PCDHGA1: variants seen among roughly 807,000 people sequenced by gnomAD.
PCDHGA1 encodes the protein protocadherin gamma-A1.
In PCDHGA1, 32 loss-of-function variants were observed where a neutral mutation model predicts 58.0. That is an observed-to-expected ratio of 0.55 (90% CI 0.42 to 0.74). The LOEUF is 0.74. Among genes scored for constraint, PCDHGA1 ranks in the 30% least tolerant of loss-of-function variants. The probability of loss-of-function intolerance (pLI) is 0.00; values close to 1 mark genes in which losing one functional copy is unlikely to be tolerated. For synonymous variants in PCDHGA1, 498 were observed against 501.1 expected (o/e 0.99, Z 0.08); for missense variants, 1,205 against 1,182.3 (o/e 1.02, Z -0.28).
At chr5:141,393,769 T>C in intron 1 of PCDHGA1, 2 of 1,613,912 alleles carry the variant, frequency 1.2e-6, no homozygotes, top group Non-Finnish European at 1.7e-6. Flanking sequence ...GAAATGGAAA[T>C]ACAAGCCGAA....
chr5:141,472,188 G>C (rs779077950), intron 1 of PCDHGA1, among the ~76,000 whole-genome samples: 4 of 152,168 alleles, frequency 2.6e-5, no homozygotes, highest in Middle Eastern at 3.2e-3. Context: ...ATTGGAATTT[G>C]AATCTTTTTG....
In PCDHGA1 at chr5:141,477,967, C is replaced by T. The variant is rs756216038; in HGVS notation, c.2422-16840C>T. Reference sequence around the variant, plus strand: ...GTCTCTTGGGATCCCCTAACCAGAGCCTTTTTGCCATAGGGCTGCACACTG... The same window carrying T: ...GTCTCTTGGGATCCCCTAACCAGAGTCTTTTTGCCATAGGGCTGCACACTG... On this transcript the variant is annotated intron_variant, in intron 1 of 3. Coordinates refer to ENST00000517417, the MANE Select transcript of PCDHGA1 (RefSeq NM_018912.3). This position sits in a 1 kb window ranked among gnomAD's most constrained non-coding sequence, Gnocchi z 4.9. The T allele has an allele frequency of 8.7e-6, 14 of 1,614,032 alleles. No individual in the cohort carries two copies. In the South Asian group the frequency reaches 1.2e-4, roughly 14 times the overall value.
chr5:141,431,189 G>A lies in PCDHGA1; in HGVS notation c.2422-63618G>A. 2 of 1,614,208 alleles carry A rather than the reference G, an allele frequency of 1.2e-6. No homozygotes were observed. The highest frequency in any genetic ancestry group is 1.7e-6 in the Non-Finnish European group (2 of 1,180,036). On this transcript the variant is annotated intron_variant, in intron 1 of 3. Transcript: ENST00000517417. This position sits in a 1 kb window ranked among gnomAD's most constrained non-coding sequence, Gnocchi z 4.8. ...AAGTGAATTAGAAATAAAAATTAGT[G>A]AAAATGCAGCCACTGAGATGCGGTT...
intron 1 of PCDHGA1, chr5:141,372,531 C>G (rs767186429): frequency 6.2e-7 from 1 of 1,614,032 alleles, no homozygotes; most frequent in Admixed American, 1.7e-5. Context: ...GGCAATCTCC[C>G]TGCGCCTGCG....
chr5:141,477,087 C>T lies in PCDHGA1; in HGVS notation c.2422-17720C>T, dbSNP rs748424193. ...AAACTCCATGAGATTTACATCCAGG[C>T]CAAAGACAAGGGCGCCAATCCCGAA... On this transcript the variant is annotated intron_variant, in intron 1 of 3. Coordinates refer to ENST00000517417, the MANE Select transcript of PCDHGA1 (RefSeq NM_018912.3). The surrounding 1 kb of genome is among the most constrained non-coding windows in gnomAD (Gnocchi z 4.9). The T allele has an allele frequency of 1.2e-6, 2 of 1,614,244 alleles. No individual in the cohort carries two copies. Among genetic ancestry groups the T allele is most frequent in the Admixed American group, 3.3e-5 (2 of 60,032 alleles).
At position 141,388,141 on chromosome 5, in the gene PCDHGA1, T is replaced by C. The variant is rs1239201119; in HGVS notation, c.2421+55036T>C. On this transcript the variant is annotated intron_variant, in intron 1 of 3. Transcript: ENST00000517417. ...AGCGCAGAGAGCGGGGAGTTGCTTG[T>C]GAGCAGCAGGCTAGACAGGGAGGAG... 6.9e-7 allele frequency: 1 copy of C among 1,456,446 alleles called. No individual in the cohort carries two copies. The highest frequency in any genetic ancestry group is 2.3e-4 in the Middle Eastern group (1 of 4,348). The allele number at this position is 1,456,446 out of a possible 1,614,324, so 90.2% of individuals were successfully genotyped here. A position where few individuals can be genotyped will look rare whatever the true frequency, so the allele number is the denominator to read the frequency against.
chr5:141,397,988 C>A, intron 1 of PCDHGA1: 2 of 1,327,490 alleles, frequency 1.5e-6, no homozygotes, highest in Non-Finnish European at 1.0e-6. Flanking sequence ...CTTTACACCG[C>A]TTCCTCCTCG....
chr5:141,481,455 C>T (rs2099537897), intron 1 of PCDHGA1, among the ~76,000 whole-genome samples: 1 of 152,176 alleles, frequency 6.6e-6, no homozygotes, highest in African/African-American at 2.4e-5. Flanking sequence ...TGTAAATACA[C>T]TGAAAACCAT....
At chr5:141,459,806 A>G (rs2154566682) in intron 1 of PCDHGA1, among the ~76,000 whole-genome samples, 1 of 152,342 alleles carries the variant, frequency 6.6e-6, no homozygotes, top group African/African-American at 2.4e-5. Flanking sequence ...CCTGTTGACT[A>G]GAGACACTGA....
At chr5:141,357,516 A>G (rs1321097755) in intron 1 of PCDHGA1, 3 of 1,614,010 alleles carry the variant, frequency 1.9e-6, no homozygotes, top group African/African-American at 1.3e-5. Context: ...TCTTCTCCCA[A>G]CCCAGCTATG....
chr5:141,425,934 G>A lies in PCDHGA1; in HGVS notation c.2422-68873G>A, dbSNP rs1237431530. Among the ~76,000 whole-genome samples, 4 of 152,352 alleles carry A rather than the reference G, an allele frequency of 2.6e-5. 1 individual carries two copies. Among genetic ancestry groups the A allele is most frequent in the East Asian group, 1.9e-4 (1 of 5,188 alleles). On this transcript the variant is annotated intron_variant, in intron 1 of 3. Coordinates refer to ENST00000517417, the MANE Select transcript of PCDHGA1 (RefSeq NM_018912.3). ...CAGTCACTACGAAAACTCATAAAAT[G>A]TCTAGTTTCCTATACATTAGTCCAA...
intron 1 of PCDHGA1, chr5:141,414,817 A>C: frequency 6.2e-7 from 1 of 1,614,214 alleles, no homozygotes; most frequent in Non-Finnish European, 8.5e-7. Context: ...TCCACTCAGC[A>C]GCAACGTGTC....
At chr5:141,388,811 A>C (rs375009380) in intron 1 of PCDHGA1, 21 of 1,613,866 alleles carry the variant, frequency 1.3e-5, no homozygotes, top group Non-Finnish European at 1.6e-5. Context: ...ATTTTGAAGA[A>C]GTCAAAGAAT....
Position 141,331,939 on chromosome 5 carries a change from A to T in PCDHGA1, c.1255A>T (p.Asn419Tyr), listed in dbSNP as rs759428451. 42 of 1,614,190 alleles carry T rather than the reference A, an allele frequency of 2.6e-5. No individual in the cohort carries two copies. The highest frequency in any genetic ancestry group is 3.6e-5 in the Non-Finnish European group (42 of 1,180,032). Residue 419 changes from asparagine to tyrosine, a missense_variant, in exon 1 of 4, where the codon AAC becomes TAC. By Grantham distance (143) the Asn-to-Tyr change is moderately radical. Transcript: ENST00000517417. ...GGACAGAGAACTTATCTCTGGGTAC[A>T]ACATCACAATAACAGCAATAGACCA... ...TLDRELISGY[N>Y]ITITAIDQGT...
intron 2 of PCDHGA1, among the ~76,000 whole-genome samples, chr5:141,498,404 C>T (rs1283586713): frequency 6.6e-6 from 1 of 152,104 alleles, no homozygotes; most frequent in African/African-American, 2.4e-5. Context: ...AGGGAGTTTT[C>T]TCTTTGCTGG....
chr5:141,471,964 T>C lies in PCDHGA1; in HGVS notation c.2422-22843T>C, dbSNP rs138170906. Among the ~76,000 whole-genome samples, 591 of 152,278 alleles carry C rather than the reference T, an allele frequency of 3.9e-3. 6 individuals are homozygous for C. Among genetic ancestry groups the C allele is most frequent in the Admixed American group, 0.011 (171 of 15,292 alleles). On this transcript the variant is annotated intron_variant, in intron 1 of 3. Transcript: ENST00000517417. ...TCTAAAACTGGATTGTGGGGTTGGT[T>C]GCATTACTGTATAAATTTATTAAAA...
intron 1 of PCDHGA1, chr5:141,428,329 A>G (rs928788851): frequency 4.8e-6 from 3 of 627,180 alleles, no homozygotes; most frequent in South Asian, 3.5e-5. Context: ...CTTGATTTCT[A>G]TGCTCTTCTT....
chr5:141,394,701 C>T lies in PCDHGA1; in HGVS notation c.2421+61596C>T, dbSNP rs375281416. Reference sequence around the variant, plus strand: ...GCACACGGGCGAGGTGCGCACGGCGCGAGCCCTGCTGGACAGAGATGCGCT... The same window carrying T: ...GCACACGGGCGAGGTGCGCACGGCGTGAGCCCTGCTGGACAGAGATGCGCT... On this transcript the variant is annotated intron_variant, in intron 1 of 3. Coordinates refer to ENST00000517417, the MANE Select transcript of PCDHGA1 (RefSeq NM_018912.3). The T allele has an allele frequency of 1.0e-4, 163 of 1,613,044 alleles. 1 individual carries two copies. The highest frequency in any genetic ancestry group is 1.3e-4 in the Non-Finnish European group (159 of 1,179,888).
chr5:141,430,151 A>T (rs774490087), intron 1 of PCDHGA1, among the ~76,000 whole-genome samples: 8 of 152,166 alleles, frequency 5.3e-5, no homozygotes, highest in Non-Finnish European at 8.8e-5. Flanking sequence ...GGATCATTCA[A>T]GGAATCTATT....
Sources: allele counts gnomAD v4.1 joint callset (sites outside exome capture counted in the v4.1 genomes callset), GRCh38; gene constraint gnomAD v4.1.1; non-coding constraint Gnocchi (gnomAD v3.1); transcripts MANE v1.5; gene names NCBI Gene and HGNC (gene_info 2026-07-23, HGNC 2026-07-21).